The following HIVEP2 variants were observed in gnomAD, a reference collection of about 807,000 sequenced individuals.
HIVEP2 encodes HIVEP zinc finger 2.
A neutral mutation model predicts 180.7 loss-of-function variants in HIVEP2; 14 were observed. The ratio of observed to expected loss-of-function variants is 0.08; its 90% CI spans 0.05 to 0.12. HIVEP2 has a LOEUF of 0.12. HIVEP2 is among the 10% of genes least tolerant of loss of function. The probability of loss-of-function intolerance (pLI) is 1.00; values close to 1 mark genes in which losing one functional copy is unlikely to be tolerated. For missense variants in HIVEP2, 2,579 were observed against 3,008.5 expected, an observed-to-expected ratio of 0.86 and a Z score of 3.34; for synonymous variants, 1,184 against 1,136.4, an observed-to-expected ratio of 1.04 and a Z score of -0.84.
intron 2 of HIVEP2, among the ~76,000 whole-genome samples, chr6:142,814,592 GA>G (rs1373218516): frequency 2.0e-5 from 3 of 152,144 alleles, no homozygotes; most frequent in African/African-American, 7.2e-5. Context: ...GAGAAGGTGA[GA>G]AAGGAGTGAA....
At position 142,773,196 on chromosome 6, in the gene HIVEP2, C is replaced by T. The variant is rs137998676; in HGVS notation, c.1543G>A (p.Glu515Lys). The change falls in exon 5 of 10, where the codon GAA becomes AAA. Residue 515 changes from glutamate to lysine, a missense_variant. This residue lies in a region of HIVEP2 where 524 missense variants were observed against 563.6 expected (regional missense o/e 0.93). Transcript: ENST00000367603. ...PQIIPSSIRNEGKLYPANFQG... is the reference protein window; with the variant it reads ...PQIIPSSIRNKGKLYPANFQG... ...AAGTTTGCTGGATAAAGTTTTCCTT[C>T]GTTCCTGATAGATGATGGAATAATC... 3 of 1,614,174 alleles carry T rather than the reference C, an allele frequency of 1.9e-6. No homozygotes were observed. The highest frequency in any genetic ancestry group is 2.5e-6 in the Non-Finnish European group (3 of 1,180,028).
At chr6:142,904,519 C>T (rs1354366694) in intron 1 of HIVEP2, among the ~76,000 whole-genome samples, 1 of 152,256 alleles carries the variant, frequency 6.6e-6, no homozygotes, top group East Asian at 1.9e-4. Flanking sequence ...TGTGACATTT[C>T]ATTCCAAGCA....
chr6:142,806,495 C>T (rs1776551232), intron 2 of HIVEP2, among the ~76,000 whole-genome samples: 1 of 152,110 alleles, frequency 6.6e-6, no homozygotes, highest in African/African-American at 2.4e-5. Flanking sequence ...ATGTCTCTGG[C>T]AATTCAAAAC....
At chr6:142,851,862 C>A (rs1387548152) in intron 1 of HIVEP2, among the ~76,000 whole-genome samples, 1 of 152,168 alleles carries the variant, frequency 6.6e-6, no homozygotes, top group African/African-American at 2.4e-5. Flanking sequence ...TATGACAGAA[C>A]CTCACGGTGG....
At position 142,771,685 on chromosome 6, in the gene HIVEP2, G is replaced by A. The variant is rs768146791; in HGVS notation, c.3054C>T (p.Val1018=). ...TCTCTTTCTGGTGGTGATGGCCTGG[G>A]ACAGACAATGAGTATGAACCAGCAG... The part of the protein sequence containing the change: ...TVPAGSYSLS[V]PGHHHQKEMR... Residue 1018 remains valine (V), a synonymous_variant, in exon 5 of 10, where the codon GTC becomes GTT. Transcript: ENST00000367603. The surrounding 1 kb of genome is among the most constrained non-coding windows in gnomAD (Gnocchi z 5.4). The A allele has an allele frequency of 1.9e-6, 3 of 1,614,174 alleles. No individual in the cohort carries two copies. The Admixed American group carries it at 5.0e-5, about 27-fold the overall frequency.
intron 2 of HIVEP2, among the ~76,000 whole-genome samples, chr6:142,812,115 G>A (rs1294854035): frequency 6.6e-6 from 1 of 152,198 alleles, no homozygotes; most frequent in African/African-American, 2.4e-5. Flanking sequence ...CTTGGAGATG[G>A]AAGTCCAGGG....
intron 5 of HIVEP2, among the ~76,000 whole-genome samples, 198 bp downstream of exon 5, chr6:142,769,354 A>G (rs1252875190): frequency 6.6e-6 from 1 of 152,198 alleles, no homozygotes; most frequent in African/African-American, 2.4e-5. Flanking sequence ...CTGAAAATGG[A>G]CCATGCCTGA....
chr6:142,760,263 A>C lies in HIVEP2; in HGVS notation c.6025T>G (p.Ser2009Ala), dbSNP rs775450593. 6.2e-7 allele frequency: 1 copy of C among 1,613,982 alleles called. No homozygotes were observed. Among genetic ancestry groups the C allele is most frequent in the Admixed American group, 1.7e-5 (1 of 59,988 alleles). Reference sequence around the variant, plus strand: ...TCCAATCTGTCTTTGTCTGGTTCTGAGTCCGTACTTTTGCTCTGGAATAGC... The same window carrying C: ...TCCAATCTGTCTTTGTCTGGTTCTGCGTCCGTACTTTTGCTCTGGAATAGC... ...QRLFQSKSTDSEPDKDRLDIP... is the reference protein window; with the variant it reads ...QRLFQSKSTDAEPDKDRLDIP... Residue 2009 changes from serine (S) to alanine (A), a missense_variant, in exon 9 of 10, where the codon TCA (serine) becomes GCA (alanine). Ser to Ala is a moderately conservative substitution (Grantham distance 99). Transcript: ENST00000367603.
At position 142,769,898 on chromosome 6, in the gene HIVEP2, G is replaced by A. The variant is rs765607376; in HGVS notation, c.4841C>T (p.Ala1614Val). 6.2e-7 allele frequency: 1 copy of A among 1,614,070 alleles called. No homozygotes were observed. Among genetic ancestry groups the A allele is most frequent in the Non-Finnish European group, 8.5e-7 (1 of 1,180,034 alleles). ...PVGMLVRMASAPSGNVADSTL... is the reference protein window; with the variant it reads ...PVGMLVRMASVPSGNVADSTL... ...TGAGTCTGCCACGTTCCCGCTGGGG[G>A]CAGAGGCCATGCGGACCAGCATGCC... The change falls in exon 5 of 10, where the codon GCC becomes GTC. Residue 1614 changes from alanine to valine, a missense_variant. Ala to Val is a moderately conservative substitution (Grantham distance 64). Around this residue, in one of 11 missense-constraint regions of HIVEP2, gnomAD observed 349 missense variants for 367.2 expected, o/e 0.95. Coordinates refer to ENST00000367603, the MANE Select transcript of HIVEP2 (RefSeq NM_006734.4).
At position 142,872,579 on chromosome 6, in the gene HIVEP2, G is replaced by C. The variant is rs1296942880; in HGVS notation, c.-640-35532C>G. On this transcript the variant is annotated intron_variant, in intron 1 of 9. Coordinates refer to ENST00000367603, the MANE Select transcript of HIVEP2 (RefSeq NM_006734.4). ...GATAAATCTGGGCGGTGGCAAGCCA[G>C]TGAGCTCACCCGGAAGAAAACCATG... Among the ~76,000 whole-genome samples, 3 of 152,186 alleles carry C rather than the reference G, an allele frequency of 2.0e-5. No homozygotes were observed. In the East Asian group the frequency reaches 5.8e-4, roughly 29 times the overall value.
intron 1 of HIVEP2, among the ~76,000 whole-genome samples, chr6:142,903,007 A>G (rs777785600): frequency 5.9e-5 from 9 of 152,222 alleles, no homozygotes; most frequent in Non-Finnish European, 1.3e-4. Context: ...AACTCCTAAC[A>G]GTGTTCCCTT....
chr6:142,891,458 C>T (rs1052715454), intron 1 of HIVEP2, among the ~76,000 whole-genome samples: 3 of 151,748 alleles, frequency 2.0e-5, no homozygotes, highest in Non-Finnish European at 4.4e-5. Context: ...AAAGTGTTCT[C>T]ACCCACACTC....
chr6:142,786,221 A>T (rs1775994156), intron 2 of HIVEP2, among the ~76,000 whole-genome samples: 1 of 152,258 alleles, frequency 6.6e-6, no homozygotes, highest in African/African-American at 2.4e-5. Context: ...TCAACAGTTT[A>T]CATAGTATGC....
At chr6:142,886,959 C>T (rs1375746004) in intron 1 of HIVEP2, among the ~76,000 whole-genome samples, 1 of 152,128 alleles carries the variant, frequency 6.6e-6, no homozygotes, top group Non-Finnish European at 1.5e-5. Flanking sequence ...TAAGATTTCA[C>T]AAAGCATTCA....
At chr6:142,820,769 G>T (rs765205418) in intron 2 of HIVEP2, among the ~76,000 whole-genome samples, 1 of 151,942 alleles carries the variant, frequency 6.6e-6, no homozygotes. Context: ...AAAACAAGTG[G>T]AACAGTACAC....
chr6:142,884,048 G>T (rs1216474064), intron 1 of HIVEP2, among the ~76,000 whole-genome samples: 1 of 152,048 alleles, frequency 6.6e-6, no homozygotes, highest in Non-Finnish European at 1.5e-5. Context: ...TTACCATTAG[G>T]TTAGCTGATT....
At chr6:142,906,314 A>G (rs1409314449) in intron 1 of HIVEP2, among the ~76,000 whole-genome samples, 1 of 152,188 alleles carries the variant, frequency 6.6e-6, no homozygotes, top group Non-Finnish European at 1.5e-5. Flanking sequence ...ATTGAGAAAT[A>G]GTAGAACCAA....
chr6:142,905,040 G>A (rs1777229353), intron 1 of HIVEP2, among the ~76,000 whole-genome samples: 1 of 152,066 alleles, frequency 6.6e-6, no homozygotes, highest in Admixed American at 6.5e-5. Flanking sequence ...GATTTGGGTT[G>A]CCCACTTACT....
At chr6:142,842,551 C>A (rs922525631) in intron 1 of HIVEP2, among the ~76,000 whole-genome samples, 2 of 152,168 alleles carry the variant, frequency 1.3e-5, no homozygotes, top group African/African-American at 2.4e-5. Flanking sequence ...TTGAAAGTCA[C>A]ACTATGTGTC....
Sources: allele counts gnomAD v4.1 joint callset (sites outside exome capture counted in the v4.1 genomes callset), GRCh38; gene constraint gnomAD v4.1.1; regional missense constraint gnomAD v4.1.1; non-coding constraint Gnocchi (gnomAD v3.1); transcripts MANE v1.5; gene names NCBI Gene and HGNC (gene_info 2026-07-23, HGNC 2026-07-21).